LTV1: variants seen among roughly 807,000 people sequenced by gnomAD.
LTV1 encodes the protein LTV1 ribosome biogenesis factor.
In LTV1, 39 loss-of-function variants were observed where a neutral mutation model predicts 59.9. The ratio of observed to expected loss-of-function variants is 0.65; its 90% CI spans 0.50 to 0.85. LTV1 has a LOEUF of 0.85. Among genes scored for constraint, LTV1 ranks in the 40% least tolerant of loss-of-function variants. LTV1 has a pLI of 0.00. For missense variants in LTV1, 493 were observed against 549.1 expected (o/e 0.90, Z 1.02); for synonymous variants, 171 against 189.5 (o/e 0.90, Z 0.80).
Position 143,844,538 on chromosome 6 carries a change from A to G in LTV1, c.56A>G (p.His19Arg). 1 of 1,614,110 alleles carries G rather than the reference A, an allele frequency of 6.2e-7. No homozygotes were observed. Residue 19 changes from histidine to arginine, a missense_variant, in exon 2 of 11, where the codon CAC (histidine) becomes CGC (arginine). Transcript: ENST00000367576. ...FIEKKKAVSF[H>R]LVHRSQRDPL... ...GAGAAGAAGAAAGCTGTGTCTTTTC[A>G]CTTGGTCCACCGGAGCCAACGAGAT...
chr6:143,863,391 C>T lies in LTV1; in HGVS notation c.1318-26C>T. 5 of 1,595,690 alleles carry T rather than the reference C, an allele frequency of 3.1e-6. No individual in the cohort carries two copies. The highest frequency in any genetic ancestry group is 3.4e-6 in the Non-Finnish European group (4 of 1,164,618). ...TATCAGTTTAAAGATGTGAATAATACAAGTATATTCTTGTACTTATAACAG... is the reference window on the plus strand; with the variant it reads ...TATCAGTTTAAAGATGTGAATAATATAAGTATATTCTTGTACTTATAACAG... On this transcript the variant is annotated intron_variant, in intron 10 of 10. Transcript: ENST00000367576. The surrounding 1 kb of genome is among the most constrained non-coding windows in gnomAD (Gnocchi z 4.5).
chr6:143,849,418 T>C (rs1226778334), intron 3 of LTV1, among the ~76,000 whole-genome samples: 1 of 152,152 alleles, frequency 6.6e-6, no homozygotes, highest in Non-Finnish European at 1.5e-5. Flanking sequence ...AACTCTGGGA[T>C]TTGAATCCCA....
At position 143,844,547 on chromosome 6, in the gene LTV1, A is replaced by G. The variant is rs772562550; in HGVS notation, c.65A>G (p.His22Arg). ...AAAGCTGTGTCTTTTCACTTGGTCC[A>G]CCGGAGCCAACGAGATCCTTTAGCA... Reference protein sequence around the residue: ...KKKAVSFHLVHRSQRDPLAAD... With the variant: ...KKKAVSFHLVRRSQRDPLAAD... The change falls in exon 2 of 11, where the codon CAC becomes CGC. Residue 22 changes from histidine to arginine, a missense_variant. His to Arg is a conservative substitution (Grantham distance 29). Transcript: ENST00000367576. 1 of 1,614,150 alleles carries G rather than the reference A, an allele frequency of 6.2e-7. No individual in the cohort carries two copies. The highest frequency in any genetic ancestry group is 8.5e-7 in the Non-Finnish European group (1 of 1,179,990).
chr6:143,863,028 G>A lies in LTV1; in HGVS notation c.1117-58G>A. 1 of 1,497,398 alleles carries A rather than the reference G, an allele frequency of 6.7e-7. No homozygotes were observed. The highest frequency in any genetic ancestry group is 2.3e-5 in the East Asian group (1 of 44,234). 92.8% of individuals were successfully genotyped at this position (1,497,398 alleles called of 1,614,324 possible). On this transcript the variant is annotated intron_variant, in intron 9 of 10. Coordinates refer to ENST00000367576, the MANE Select transcript of LTV1 (RefSeq NM_032860.5). The surrounding 1 kb of genome is among the most constrained non-coding windows in gnomAD (Gnocchi z 4.5). ...AAAGCATCAACAGTATGTCATTAAT[G>A]AGCTATTTTTTAATAGGAATGAGAA... is the stretch of plus-strand genomic sequence containing the variant.
intron 2 of LTV1, 62 bp from the exon 3 acceptor site, chr6:143,845,989 G>C (rs1776882509): frequency 6.6e-7 from 1 of 1,511,182 alleles, no homozygotes; most frequent in Admixed American, 1.8e-5. Flanking sequence ...TCCTTGGAAG[G>C]CTTACTGATT....
intron 3 of LTV1, among the ~76,000 whole-genome samples, chr6:143,847,863 A>AT (rs2128490997): frequency 6.6e-6 from 1 of 152,292 alleles, no homozygotes; most frequent in African/African-American, 2.4e-5. Context: ...TTTTACTTTA[A>AT]TTTGTAACAC....
chr6:143,854,124 A>G (rs141823681), intron 4 of LTV1, among the ~76,000 whole-genome samples: 141 of 152,268 alleles, frequency 9.3e-4, no homozygotes, highest in African/African-American at 3.3e-3. Flanking sequence ...CCTCTATTTC[A>G]GAACATGTTA....
In LTV1 at chr6:143,862,270, A is replaced by G. The variant is rs568499131; in HGVS notation, c.1063+27A>G. 6.3e-7 allele frequency: 1 copy of G among 1,598,080 alleles called. No homozygotes were observed. Among genetic ancestry groups the G allele is most frequent in the South Asian group, 1.1e-5 (1 of 90,450 alleles). On this transcript the variant is annotated intron_variant, in intron 8 of 10. Transcript: ENST00000367576. This position sits in a 1 kb window ranked among gnomAD's most constrained non-coding sequence, Gnocchi z 4.2. ...TAAGTATATTCACTTTATGATAGTA[A>G]TTTTAAAGTATTAAAGTATATCAAC...
chr6:143,861,962 A>G (rs1174572067), intron 7 of LTV1, 142 bp from the exon 8 acceptor site: 1 of 758,236 alleles, frequency 1.3e-6, no homozygotes, highest in Non-Finnish European at 2.1e-6. Flanking sequence ...AGTTTGACAG[A>G]AAATAACGGA....
chr6:143,850,294 C>T, intron 4 of LTV1, 76 bp downstream of exon 4: 1 of 1,091,544 alleles, frequency 9.2e-7, no homozygotes, highest in South Asian at 1.3e-5. Context: ...TAGGATTTTT[C>T]TATCCCCAGT....
intron 3 of LTV1, among the ~76,000 whole-genome samples, chr6:143,846,576 T>G (rs1016541978): frequency 2.6e-5 from 4 of 152,236 alleles, no homozygotes; most frequent in African/African-American, 9.6e-5. Flanking sequence ...AAGATAGGAC[T>G]TAACTTTTGT....
chr6:143,844,339 A>G, intron 1 of LTV1, 147 bp from the exon 2 acceptor site: 1 of 768,678 alleles, frequency 1.3e-6, no homozygotes, highest in Non-Finnish European at 2.0e-6. Context: ...ATTCTGCAGA[A>G]CACAGCTGAT....
intron 3 of LTV1, among the ~76,000 whole-genome samples, chr6:143,848,787 G>T (rs567160814): frequency 7.2e-5 from 11 of 152,230 alleles, no homozygotes; most frequent in Non-Finnish European, 1.3e-4. Context: ...AGGGCTTCAT[G>T]TCGGAGGGTA....
rs2128491830 is a variant in LTV1, at chr6:143,856,920, C to A, written c.398-383C>A. Among the ~76,000 whole-genome samples the A allele has an allele frequency of 1.3e-5, 2 of 152,312 alleles. 1 individual carries two copies. Among genetic ancestry groups the A allele is most frequent in the South Asian group, 4.1e-4 (2 of 4,828 alleles). On this transcript the variant is annotated intron_variant, in intron 4 of 10. Transcript: ENST00000367576. ...GCAGGAGGCACAGGGGTCAGGGACC[C>A]ACTTGAGGAGGCAGTCTGTCCCTTA...
intron 4 of LTV1, among the ~76,000 whole-genome samples, chr6:143,854,971 C>A (rs867053195): frequency 6.6e-6 from 1 of 152,016 alleles, no homozygotes; most frequent in Non-Finnish European, 1.5e-5. Flanking sequence ...TCTGCTTGGT[C>A]CAGGGCTGAG....
chr6:143,858,834 G>A (rs938143908), intron 6 of LTV1: 3 of 151,974 alleles, frequency 2.0e-5, no homozygotes, highest in African/African-American at 7.3e-5. Flanking sequence ...AGAGAGATTG[G>A]GACCCAAAGC....
At chr6:143,849,245 C>G (rs1458875996) in intron 3 of LTV1, among the ~76,000 whole-genome samples, 2 of 152,120 alleles carry the variant, frequency 1.3e-5, no homozygotes, top group African/African-American at 4.8e-5. Context: ...TAAGAGATTT[C>G]AAGGGGACAT....
At chr6:143,850,320 TTGAGA>T (rs1357621749) in intron 4 of LTV1, 102 bp downstream of exon 4, 1 of 795,296 alleles carries the variant, frequency 1.3e-6, no homozygotes, top group Non-Finnish European at 2.1e-6. Flanking sequence ...ATTGAAACAA[TTGAGA>T]TATGTCTGGA....
intron 7 of LTV1, 118 bp downstream of exon 7, chr6:143,860,671 A>G (rs1777147766): frequency 1.2e-6 from 1 of 806,636 alleles, no homozygotes; most frequent in Non-Finnish European, 1.8e-6. Context: ...CAAAATACAT[A>G]TTGAGAAAAT....
Sources: gnomAD v4.1 joint callset for allele counts (sites outside exome capture counted in the v4.1 genomes callset) on GRCh38, gnomAD v4.1.1 for gene constraint, Gnocchi (gnomAD v3.1) non-coding constraint, MANE v1.5 for transcripts, NCBI Gene and HGNC (gene_info 2026-07-23, HGNC 2026-07-21) for gene names.